CCDC63: variants seen among roughly 807,000 people sequenced by gnomAD.
The protein encoded by CCDC63 is coiled-coil domain-containing protein 63.
A neutral mutation model predicts 63.6 loss-of-function variants in CCDC63; 54 were observed. The observed-to-expected ratio is 0.85, with a 90% confidence interval of 0.68 to 1.07. CCDC63 has a LOEUF of 1.07. Ranked by LOEUF, CCDC63 falls within the 50% of genes least tolerant of loss-of-function variation. CCDC63 has a pLI of 0.00. For synonymous variants in CCDC63, 253 were observed against 266.1 expected, an observed-to-expected ratio of 0.95 and a Z score of 0.48; for missense variants, 637 against 689.6, an observed-to-expected ratio of 0.92 and a Z score of 0.86.
chr12:110,903,621 AAATG>A (rs1359917792), intron 10 of CCDC63, among the ~76,000 whole-genome samples: 1 of 152,252 alleles, frequency 6.6e-6, no homozygotes, highest in African/African-American at 2.4e-5. Flanking sequence ...AATCATTTGC[AAATG>A]AATGAATGAA....
chr12:110,870,003 A>G lies in CCDC63; in HGVS notation c.370-3839A>G, dbSNP rs972733702. Among the ~76,000 whole-genome samples the G allele has an allele frequency of 4.6e-5, 7 of 152,340 alleles. No individual in the cohort carries two copies. The South Asian group carries it at 1.2e-3, about 27-fold the overall frequency. The stretch of plus-strand genomic sequence containing the variant: ...TTCACCCGGTTCCCCCAATGTAAAC[A>G]TTGTACATTACCGTGGGACATTTGT... On this transcript the variant is annotated intron_variant, in intron 4 of 11. Coordinates refer to ENST00000308208, the MANE Select transcript of CCDC63 (RefSeq NM_152591.3).
intron 7 of CCDC63, 111 bp from the exon 8 acceptor site, chr12:110,883,919 C>A (rs750796142): frequency 3.6e-6 from 3 of 842,640 alleles, no homozygotes; most frequent in East Asian, 2.5e-5. Context: ...GGATTACAGG[C>A]GTGAGTCACC....
intron 4 of CCDC63, among the ~76,000 whole-genome samples, chr12:110,862,484 C>T (rs1360585011): frequency 6.6e-6 from 1 of 152,248 alleles, no homozygotes; most frequent in Non-Finnish European, 1.5e-5. Context: ...TGGAGAATGT[C>T]TCCCATTGTG....
At chr12:110,871,447 G>A (rs943218762) in intron 4 of CCDC63, among the ~76,000 whole-genome samples, 8 of 152,042 alleles carry the variant, frequency 5.3e-5, no homozygotes, top group Admixed American at 3.9e-4. Flanking sequence ...AGCCAGGACA[G>A]TGGTTCTTAA....
In CCDC63 at chr12:110,904,765, A is replaced by G. The variant is rs2071537039; in HGVS notation, c.1520A>G (p.Asp507Gly). The change falls in exon 11 of 12, where the codon GAC becomes GGC. Residue 507 changes from aspartate to glycine, a missense_variant. Transcript: ENST00000308208. Reference protein sequence around the residue: ...IKVIPPVLGADPFSDRLDDVE... With the variant: ...IKVIPPVLGAGPFSDRLDDVE... ...GTCATCCCCCCAGTGCTGGGGGCTG[A>G]CCCCTTCAGCGACAGGTTGGATGAT... 3 of 1,610,248 alleles carry G rather than the reference A, an allele frequency of 1.9e-6. No individual in the cohort carries two copies. The highest frequency in any genetic ancestry group is 2.5e-6 in the Non-Finnish European group (3 of 1,178,698).
chr12:110,887,633 T>A (rs10849914), intron 8 of CCDC63, among the ~76,000 whole-genome samples: 52,514 of 150,900 alleles, frequency 0.35, 9,279 homozygotes, highest in African/African-American at 0.39. Context: ...GTTAAAAAAA[T>A]TTTTTTTTAA....
intron 9 of CCDC63, 97 bp downstream of exon 9, chr12:110,893,247 C>A: frequency 1.0e-6 from 1 of 972,252 alleles, no homozygotes; most frequent in South Asian, 1.5e-5. Flanking sequence ...GGGCATCTGT[C>A]AGCTGCTTCT....
chr12:110,868,019 G>A lies in CCDC63; in HGVS notation c.370-5823G>A, dbSNP rs1322774353. Among the ~76,000 whole-genome samples, 561 of 147,900 alleles carry A rather than the reference G, an allele frequency of 3.8e-3. 3 individuals are homozygous for A. The highest frequency in any genetic ancestry group is 6.9e-3 in the Non-Finnish European group (458 of 66,692). ...AGGGTCTCCTCACTTCTCAGACGGG[G>A]CGGCCGGGCAGAGACGCTCCTCACC... On this transcript the variant is annotated intron_variant, in intron 4 of 11. Transcript: ENST00000308208.
chr12:110,877,338 G>A (rs1446056429), intron 5 of CCDC63, among the ~76,000 whole-genome samples: 4 of 150,540 alleles, frequency 2.7e-5, no homozygotes, highest in Admixed American at 6.6e-5. Flanking sequence ...TCAGCCTCCC[G>A]AGTAGCTGGG....
intron 4 of CCDC63, among the ~76,000 whole-genome samples, chr12:110,863,616 C>T (rs1195093307): frequency 6.6e-6 from 1 of 151,256 alleles, no homozygotes; most frequent in Non-Finnish European, 1.5e-5. Flanking sequence ...TCTCGGCTCA[C>T]TGCAACCTTT....
intron 4 of CCDC63, among the ~76,000 whole-genome samples, chr12:110,867,943 C>T (rs1593657555): frequency 6.8e-6 from 1 of 146,878 alleles, no homozygotes; most frequent in Non-Finnish European, 1.5e-5. Context: ...GACGGGGCAG[C>T]TGCCGGGCGG....
Position 110,858,636 on chromosome 12 carries a change from T to G in CCDC63, c.230T>G (p.Leu77Trp). 1 of 1,614,074 alleles carries G rather than the reference T, an allele frequency of 6.2e-7. No individual in the cohort carries two copies. ...KTEQDEITLL[L>W]SLMKSSRNMN... Reference sequence around the variant, plus strand: ...GAGCAGGATGAGATCACCCTACTGTTGAGTCTCATGAAATCCTCGAGGAAC... The same window carrying G: ...GAGCAGGATGAGATCACCCTACTGTGGAGTCTCATGAAATCCTCGAGGAAC... Residue 77 changes from leucine to tryptophan, a missense_variant, in exon 4 of 12, where the codon TTG becomes TGG. Coordinates refer to ENST00000308208, the MANE Select transcript of CCDC63 (RefSeq NM_152591.3).
chr12:110,866,508 T>G (rs1451240969), intron 4 of CCDC63, among the ~76,000 whole-genome samples: 4 of 134,850 alleles, frequency 3.0e-5, no homozygotes, highest in Admixed American at 7.7e-5. Flanking sequence ...AGATTAGGGA[T>G]TGGTGATGAC....
At chr12:110,863,303 A>C (rs910208535) in intron 4 of CCDC63, among the ~76,000 whole-genome samples, 2 of 151,834 alleles carry the variant, frequency 1.3e-5, no homozygotes, top group Non-Finnish European at 2.9e-5. Flanking sequence ...CTGAAGTCCA[A>C]ACCACAGCTA....
intron 1 of CCDC63, among the ~76,000 whole-genome samples, chr12:110,850,393 T>C (rs1404398605): frequency 6.6e-6 from 1 of 152,172 alleles, no homozygotes; most frequent in Non-Finnish European, 1.5e-5. Flanking sequence ...GAAGCGACTG[T>C]TGGGGAGGCA....
rs571916433 is a variant in CCDC63, at chr12:110,855,282, A to T, written c.179+1708A>T. Among the ~76,000 whole-genome samples the T allele has an allele frequency of 3.3e-5, 5 of 152,290 alleles. No individual in the cohort carries two copies. In the South Asian group the frequency reaches 1.0e-3, roughly 32 times the overall value. Reference sequence around the variant, plus strand: ...AAGTGTCTCCCAGAAAAGTGTAATAAATCTACAAAACAGTGGTGTGTTTTC... The same window carrying T: ...AAGTGTCTCCCAGAAAAGTGTAATATATCTACAAAACAGTGGTGTGTTTTC... On this transcript the variant is annotated intron_variant, in intron 3 of 11. Coordinates refer to ENST00000308208, the MANE Select transcript of CCDC63 (RefSeq NM_152591.3).
chr12:110,860,493 C>G (rs139837494), intron 4 of CCDC63, among the ~76,000 whole-genome samples: 3 of 152,216 alleles, frequency 2.0e-5, no homozygotes, highest in Non-Finnish European at 4.4e-5. Context: ...GTCCCGCACA[C>G]AGTAGATCCT....
In CCDC63 at chr12:110,893,072, G is replaced by A; in HGVS notation, c.1075-4G>A. On this transcript the variant is annotated splice_region_variant and splice_polypyrimidine_tract_variant and intron_variant, in intron 8 of 11. Transcript: ENST00000308208. Reference sequence around the variant, plus strand: ...TCCTCATGGTCTTGTTCTCTCCCGAGCAGGACGAGATCATCCTCTTGCGAT... The same window carrying A: ...TCCTCATGGTCTTGTTCTCTCCCGAACAGGACGAGATCATCCTCTTGCGAT... The A allele has an allele frequency of 1.2e-6, 2 of 1,613,838 alleles. No homozygotes were observed. Among genetic ancestry groups the A allele is most frequent in the Non-Finnish European group, 1.7e-6 (2 of 1,179,800 alleles).
intron 10 of CCDC63, among the ~76,000 whole-genome samples, chr12:110,901,897 C>T (rs1319460148): frequency 1.3e-5 from 2 of 152,024 alleles, no homozygotes; most frequent in Non-Finnish European, 2.9e-5. Context: ...ATGGCATGAT[C>T]TCAGCTCACT....
Sources: allele counts gnomAD v4.1 joint callset (sites outside exome capture counted in the v4.1 genomes callset), GRCh38; gene constraint gnomAD v4.1.1; transcripts MANE v1.5; gene names NCBI Gene and HGNC (gene_info 2026-07-23, HGNC 2026-07-21).